The following CHM variants were observed in gnomAD, a reference collection of about 807,000 sequenced individuals.
CHM encodes the protein rab proteins geranylgeranyltransferase component A 1.
In CHM, 10 loss-of-function variants were observed where a neutral mutation model predicts 49.0. That is an observed-to-expected ratio of 0.20 (90% CI 0.13 to 0.35). CHM has a LOEUF of 0.35. Among genes scored for constraint, CHM ranks in the 10% least tolerant of loss-of-function variants. CHM has a pLI of 1.00. For missense variants in CHM, 455 were observed against 478.4 expected (o/e 0.95, Z 0.46); for synonymous variants, 184 against 167.5 (o/e 1.10, Z -0.76).
Position 85,861,707 on chromosome X carries a change from T to A in CHM, c.*2923A>T, listed in dbSNP as rs2045670661. The A allele has an allele frequency of 9.0e-6, 1 of 111,461 alleles. No homozygotes were observed. The highest frequency in any genetic ancestry group is 3.3e-5 in the African/African-American group (1 of 30,694). 9.2% of individuals were successfully genotyped at this position (111,461 alleles called of 1,213,427 possible). On this transcript the variant is annotated 3_prime_UTR_variant, in exon 15 of 15. Coordinates refer to ENST00000357749, the MANE Select transcript of CHM (RefSeq NM_000390.4). ...AGCAGGCACACCAACTAGGAAAAAA[T>A]ACAATAGCAACATAGGATTAGGTAT...
intron 1 of CHM, among the ~76,000 whole-genome samples, chrX:86,038,488 G>A (rs1934332086): frequency 8.9e-6 from 1 of 111,816 alleles, no homozygotes; most frequent in Non-Finnish European, 1.9e-5. Flanking sequence ...ATCAAGCTGT[G>A]CCCCTACCGC....
chrX:85,966,997 A>G (rs1185760759), intron 4 of CHM, among the ~76,000 whole-genome samples: 2 of 112,004 alleles, frequency 1.8e-5, no homozygotes, highest in Non-Finnish European at 3.8e-5. Context: ...ACATCAATAA[A>G]CTATCGTTTT....
chrX:85,935,454 T>C (rs764861358), intron 8 of CHM, among the ~76,000 whole-genome samples: 11 of 111,357 alleles, frequency 9.9e-5, no homozygotes, highest in Non-Finnish European at 2.1e-4. Flanking sequence ...ATTTCATTGT[T>C]GTGTGACCAT....
rs369525660 is a variant in CHM at position 86,020,993 on chromosome X, G to C, written c.116+6498C>G. Reference sequence around the variant, plus strand: ...TGTGTATATATACATCTGAATCCCAGATGTGTGTATATATATATATTTACA... The same window carrying C: ...TGTGTATATATACATCTGAATCCCACATGTGTGTATATATATATATTTACA... On this transcript the variant is annotated intron_variant, in intron 2 of 14. Coordinates refer to ENST00000357749, the MANE Select transcript of CHM (RefSeq NM_000390.4). 3.0e-4 allele frequency among the ~76,000 whole-genome samples: 29 copies of C among 96,957 alleles called. No homozygotes were observed. In the South Asian group the frequency reaches 0.013, roughly 45 times the overall value. The allele number at this position is 96,957 out of a possible 115,157, so 84.2% of individuals were successfully genotyped here.
chrX:85,865,065 A>G (rs1262250605), intron 14 of CHM, among the ~76,000 whole-genome samples: 2 of 111,517 alleles, frequency 1.8e-5, no homozygotes, highest in East Asian at 5.6e-4. Context: ...CATCAGGTTC[A>G]TTATCAAGTG....
intron 1 of CHM, among the ~76,000 whole-genome samples, chrX:86,045,499 T>C (rs755600783): frequency 8.9e-6 from 1 of 112,188 alleles, no homozygotes; most frequent in South Asian, 3.7e-4. Context: ...ATTTAAGTTT[T>C]AAGATTAACT....
chrX:86,046,699 G>C (rs1287779868), intron 1 of CHM, among the ~76,000 whole-genome samples: 1 of 111,529 alleles, frequency 9.0e-6, no homozygotes, highest in Non-Finnish European at 1.9e-5. Context: ...GTTCTGCTAC[G>C]TGTTGTACAC....
intron 1 of CHM, among the ~76,000 whole-genome samples, chrX:86,046,464 T>C (rs995806132): frequency 1.8e-5 from 2 of 112,218 alleles, no homozygotes; most frequent in Admixed American, 1.9e-4. Flanking sequence ...AGGTAGCTAT[T>C]ATTTTTACTC....
intron 11 of CHM, among the ~76,000 whole-genome samples, chrX:85,898,019 G>A (rs1190373417): frequency 9.0e-6 from 1 of 111,107 alleles, no homozygotes; most frequent in Non-Finnish European, 1.9e-5. Context: ...GGAATTGTAC[G>A]TCTCTTAACA....
intron 2 of CHM, among the ~76,000 whole-genome samples, chrX:85,985,934 T>C (rs1404831722): frequency 9.0e-6 from 1 of 111,353 alleles, no homozygotes; most frequent in Non-Finnish European, 1.9e-5. Context: ...TTTAAGCCAG[T>C]AGCAGCTCGG....
At position 86,047,493 on chromosome X, in the gene CHM, T is replaced by C. The variant is rs1934694024; in HGVS notation, c.40A>G (p.Ile14Val). 8.3e-7 allele frequency: 1 copy of C among 1,208,648 alleles called. No homozygotes were observed. The highest frequency in any genetic ancestry group is 3.0e-5 in the East Asian group (1 of 33,815). Residue 14 changes from isoleucine (I) to valine (V), a missense_variant, in exon 1 of 15, where the codon ATA (isoleucine) becomes GTA (valine). Transcript: ENST00000357749. ...TLPSEFDVIV[I>V]GTGLPESIIA... is the part of the protein sequence containing the mutation. ...ACCAGGCTACACATACCCGTCCCTA[T>C]TACGATCACATCAAACTCCGAAGGG...
intron 1 of CHM, among the ~76,000 whole-genome samples, chrX:86,040,186 G>C (rs949340622): frequency 1.8e-5 from 2 of 112,221 alleles, no homozygotes; most frequent in African/African-American, 6.5e-5. Context: ...AAAGAGCACT[G>C]TAACATTCCC....
intron 13 of CHM, among the ~76,000 whole-genome samples, chrX:85,874,160 C>T (rs1924275602): frequency 9.0e-6 from 1 of 111,617 alleles, no homozygotes; most frequent in South Asian, 3.7e-4. Flanking sequence ...GTACGATGTG[C>T]TTATAAAAAG....
intron 4 of CHM, among the ~76,000 whole-genome samples, chrX:85,978,402 C>T (rs972044764): frequency 1.8e-5 from 2 of 111,486 alleles, no homozygotes; most frequent in African/African-American, 6.5e-5. Flanking sequence ...AAGTGTGGCC[C>T]TGCCGTTTAC....
At chrX:85,978,964 A>G (rs1931445979) in intron 3 of CHM, 73 bp from the exon 4 acceptor site, 2 of 1,048,325 alleles carry the variant, frequency 1.9e-6, no homozygotes. Context: ...GAGAAAATTT[A>G]CCTCTTGTCT....
intron 2 of CHM, among the ~76,000 whole-genome samples, chrX:85,995,133 A>G (rs903969246): frequency 9.1e-6 from 1 of 110,056 alleles, no homozygotes; most frequent in Non-Finnish European, 1.9e-5. Context: ...GCAAATGTCA[A>G]TACGGATTTC....
intron 2 of CHM, among the ~76,000 whole-genome samples, chrX:85,998,219 G>GA (rs1431946559): frequency 9.0e-6 from 1 of 111,259 alleles, no homozygotes; most frequent in Admixed American, 9.5e-5. Flanking sequence ...TCTCAAATGT[G>GA]AAAAGAATGA....
At chrX:86,034,562 C>T (rs567396550) in intron 1 of CHM, among the ~76,000 whole-genome samples, 2 of 111,724 alleles carry the variant, frequency 1.8e-5, no homozygotes, top group South Asian at 7.5e-4. Flanking sequence ...GGGCAGATCA[C>T]CTGAGGTCAG....
At chrX:85,998,454 TTATGA>T (rs1487762551) in intron 2 of CHM, among the ~76,000 whole-genome samples, 11 of 112,011 alleles carry the variant, frequency 9.8e-5, no homozygotes, top group African/African-American at 2.6e-4. Context: ...GTGCCTTGAC[TTATGA>T]TATAACATCC....
Sources: gnomAD v4.1 joint callset for allele counts (sites outside exome capture counted in the v4.1 genomes callset) on GRCh38, gnomAD v4.1.1 for gene constraint, MANE v1.5 for transcripts, NCBI Gene and HGNC (gene_info 2026-07-23, HGNC 2026-07-21) for gene names.